The following PLEKHG1 variants were observed in gnomAD, a reference collection of about 807,000 sequenced individuals.
The protein encoded by PLEKHG1 is pleckstrin homology and RhoGEF domain containing G1.
In PLEKHG1, 44 loss-of-function variants were observed where a neutral mutation model predicts 100.8. The observed-to-expected ratio is 0.44, with a 90% confidence interval of 0.34 to 0.56. The LOEUF is 0.56. Ranked by LOEUF, PLEKHG1 falls within the 20% of genes least tolerant of loss-of-function variation. The pLI, the probability that PLEKHG1 is intolerant of heterozygous loss-of-function variation, is 0.01. For missense variants in PLEKHG1, 1,545 were observed against 1,720.9 expected, an observed-to-expected ratio of 0.90 and a Z score of 1.81; for synonymous variants, 640 against 662.5, an observed-to-expected ratio of 0.97 and a Z score of 0.52.
At chr6:150,709,151 G>A (rs1781148974) in intron 3 of PLEKHG1, among the ~76,000 whole-genome samples, 1 of 152,162 alleles carries the variant, frequency 6.6e-6, no homozygotes, top group South Asian at 2.1e-4. Context: ...GGCTAACACG[G>A]TGAAACTCTG....
chr6:150,830,064 G>T lies in PLEKHG1; in HGVS notation c.1471-518G>T, dbSNP rs565133648. ...AGAATCTAAGAATTTTCTGTATTTA[G>T]CTTATATCATGCTTTGGGGCAAGGG... On this transcript the variant is annotated intron_variant, in intron 14 of 15. Transcript: ENST00000358517. Among the ~76,000 whole-genome samples the T allele has an allele frequency of 2.6e-5, 4 of 152,248 alleles. No individual in the cohort carries two copies. The East Asian group carries it at 7.7e-4, about 29-fold the overall frequency.
chr6:150,744,201 A>G (rs1310366318), intron 2 of PLEKHG1, among the ~76,000 whole-genome samples: 1 of 152,118 alleles, frequency 6.6e-6, no homozygotes, highest in Non-Finnish European at 1.5e-5. Context: ...TAGCCTCCCA[A>G]GTAGCTGGGA....
intron 4 of PLEKHG1, 123 bp downstream of exon 5, chr6:150,786,582 G>T (rs1379380178): frequency 4.6e-6 from 3 of 649,638 alleles, no homozygotes; most frequent in East Asian, 5.4e-5. Flanking sequence ...TCTTTCTCTG[G>T]TTTCTTTGTT....
Position 150,628,575 on chromosome 6 carries a change from C to CACACACAT in PLEKHG1, c.-203-9503_-203-9502insACACATAC, listed in dbSNP as rs754227842. On this transcript the variant is annotated intron_variant, in intron 1 of 3. Coordinates refer to the PLEKHG1 transcript ENST00000367326. ...ACACACACACACACACACACACACA[C>CACACACAT]ACCCCGTCCTTGCCCTCCTGCACTG... 5.5e-3 allele frequency among the ~76,000 whole-genome samples: 756 copies of CACACACAT among 137,424 alleles called. 34 individuals are homozygous for CACACACAT. Among genetic ancestry groups the CACACACAT allele is most frequent in the South Asian group, 0.012 (49 of 4,158 alleles). 90.2% of individuals were successfully genotyped at this position (137,424 alleles called of 152,430 possible).
chr6:150,635,968 A>C (rs559869556), intron 1 of PLEKHG1, among the ~76,000 whole-genome samples: 1 of 152,240 alleles, frequency 6.6e-6, no homozygotes, highest in Admixed American at 6.5e-5. Flanking sequence ...TGTATTTTGA[A>C]TTTAAAATAA....
rs1266846728 is a variant in PLEKHG1, at chr6:150,675,079, T to C, written c.-99+24293T>C. 2.0e-5 allele frequency among the ~76,000 whole-genome samples: 3 copies of C among 152,334 alleles called. No homozygotes were observed. The East Asian group carries it at 5.8e-4, about 29-fold the overall frequency. On this transcript the variant is annotated intron_variant, in intron 3 of 3. Coordinates refer to the PLEKHG1 transcript ENST00000367326. ...CTCAAAACTTTGGTATGGATTTATA[T>C]AGTGACCTAGCCGAGAAATATTTAA...
chr6:150,652,635 C>T (rs1332175434), intron 3 of PLEKHG1, among the ~76,000 whole-genome samples: 1 of 151,338 alleles, frequency 6.6e-6, no homozygotes, highest in East Asian at 1.9e-4. Flanking sequence ...CAGGAGAATC[C>T]CTTGAACCCG....
chr6:150,754,384 A>AT (rs769677709), intron 2 of PLEKHG1, among the ~76,000 whole-genome samples: 15 of 152,062 alleles, frequency 9.9e-5, no homozygotes, highest in Non-Finnish European at 1.5e-4. Context: ...TCCTTGAAGG[A>AT]TTTTACCCAG....
At chr6:150,839,111 T>G (rs1777379634) in intron 15 of PLEKHG1, among the ~76,000 whole-genome samples, 1 of 152,026 alleles carries the variant, frequency 6.6e-6, no homozygotes, top group African/African-American at 2.4e-5. Flanking sequence ...ATGCTGCTTT[T>G]TTTGTTTGTT....
intron 14 of PLEKHG1, among the ~76,000 whole-genome samples, chr6:150,825,505 G>A (rs1179199602): frequency 6.8e-6 from 1 of 146,304 alleles, no homozygotes; most frequent in Admixed American, 6.6e-5. Context: ...CACTTCGGCC[G>A]AAGTTGTAAT....
At chr6:150,634,070 C>T (rs139215966) in intron 1 of PLEKHG1, among the ~76,000 whole-genome samples, 125 of 151,100 alleles carry the variant, frequency 8.3e-4, no homozygotes, top group African/African-American at 2.9e-3. Flanking sequence ...AGAGAAACCC[C>T]GTCTCTACTA....
intron 5 of PLEKHG1, 134 bp from the exon 7 acceptor site, chr6:150,800,585 A>G (rs1786633562): frequency 2.6e-6 from 2 of 766,914 alleles, no homozygotes; most frequent in Admixed American, 5.5e-5. Context: ...ATTTGCCTAA[A>G]GGCATGCTGA....
rs148042370 is a variant in PLEKHG1 at position 150,656,212 on chromosome 6, T to A, written c.-99+5426T>A. 8.4e-4 allele frequency among the ~76,000 whole-genome samples: 128 copies of A among 152,280 alleles called. 1 individual carries two copies. Among genetic ancestry groups the A allele is most frequent in the African/African-American group, 3.0e-3 (125 of 41,554 alleles). ...GGAGACTTCCTCATTGTAGACCCTT[T>A]AGTTATAGCTGGTGAAGAATCTGAG... is the stretch of plus-strand genomic sequence containing the variant. On this transcript the variant is annotated intron_variant, in intron 3 of 3. Transcript: ENST00000367326.
intron 2 of PLEKHG1, among the ~76,000 whole-genome samples, chr6:150,734,941 T>A (rs968563305): frequency 2.6e-5 from 4 of 151,644 alleles, no homozygotes; most frequent in Non-Finnish European, 4.4e-5. Context: ...GTTAACTCAC[T>A]CTCAATTGTA....
At chr6:150,778,164 G>C (rs760625795) in intron 3 of PLEKHG1, among the ~76,000 whole-genome samples, 1 of 152,126 alleles carries the variant, frequency 6.6e-6, no homozygotes, top group Non-Finnish European at 1.5e-5. Context: ...GTCTCACTCT[G>C]TTGTCCAGGC....
intron 14 of PLEKHG1, among the ~76,000 whole-genome samples, chr6:150,829,575 G>A (rs990280055): frequency 3.9e-5 from 6 of 152,182 alleles, no homozygotes; most frequent in Admixed American, 3.3e-4. Flanking sequence ...CCAAGATCAT[G>A]CCAAGGGACC....
chr6:150,654,505 G>A (rs1305822586), intron 3 of PLEKHG1, among the ~76,000 whole-genome samples: 1 of 152,188 alleles, frequency 6.6e-6, no homozygotes, highest in Non-Finnish European at 1.5e-5. Context: ...AGGTGCAGGA[G>A]GACCACACTG....
chr6:150,610,096 C>T (rs1200604202), intron 1 of PLEKHG1, among the ~76,000 whole-genome samples: 2 of 151,786 alleles, frequency 1.3e-5, no homozygotes, highest in Non-Finnish European at 2.9e-5. Context: ...TATTTTAGCT[C>T]TTTCCTTCTT....
chr6:150,700,922 G>A (rs1343155725), intron 3 of PLEKHG1, among the ~76,000 whole-genome samples: 1 of 150,272 alleles, frequency 6.7e-6, no homozygotes, highest in Non-Finnish European at 1.5e-5. Context: ...GAAACTTTGA[G>A]GATGGGGGTT....
Sources: gnomAD v4.1 joint callset for allele counts (sites outside exome capture counted in the v4.1 genomes callset) on GRCh38, gnomAD v4.1.1 for gene constraint, MANE v1.5 for transcripts, NCBI Gene and HGNC (gene_info 2026-07-23, HGNC 2026-07-21) for gene names.